The following KLHL25 variants were observed in gnomAD, a reference collection of about 807,000 sequenced individuals.
KLHL25 encodes kelch-like protein 25.
KLHL25 carries 41 observed loss-of-function variants against 30.0 expected under a neutral mutation model. That is an observed-to-expected ratio of 1.37 (90% confidence interval 1.07 to 1.78). KLHL25 has a LOEUF of 1.78. Ranked by LOEUF, KLHL25 falls within the 40% of genes most tolerant of loss-of-function variation. KLHL25 has a pLI of 0.00. For synonymous variants in KLHL25, 399 were observed against 355.3 expected (o/e 1.12, Z -1.38); for missense variants, 971 against 824.5 (o/e 1.18, Z -2.18).
In KLHL25 at chr15:85,794,757, G is replaced by A; in HGVS notation, c.-11+9C>T. 6.5e-6 allele frequency: 1 copy of A among 152,848 alleles called. No individual in the cohort carries two copies. Among genetic ancestry groups the A allele is most frequent in the South Asian group, 2.0e-4 (1 of 5,092 alleles). 9.5% of individuals were successfully genotyped at this position (152,848 alleles called of 1,614,324 possible). On this transcript the variant is annotated intron_variant, in intron 1 of 2. Coordinates refer to ENST00000337975, the MANE Select transcript of KLHL25 (RefSeq NM_022480.4). ...GAGCACGGCGTCCCCGCCCGGCCTG[G>A]ATACTCACTGCCGGAGACGATCCCC...
At chr15:85,781,469 G>A (rs958103022) in intron 1 of KLHL25, among the ~76,000 whole-genome samples, 3 of 152,022 alleles carry the variant, frequency 2.0e-5, no homozygotes, top group South Asian at 2.1e-4. Flanking sequence ...AGAACATTGC[G>A]GTAGCGGATT....
chr15:85,769,025 G>A lies in KLHL25; in HGVS notation c.786C>T (p.Thr262=), dbSNP rs748760580. The A allele has an allele frequency of 4.3e-6, 7 of 1,610,084 alleles. No individual in the cohort carries two copies. The highest frequency in any genetic ancestry group is 5.1e-6 in the Non-Finnish European group (6 of 1,178,746). ...GCAGGGCCTCATCCATGATAAGCTT[G>A]GTGCGCTCGTCTGCCATGAGGAGGG... ...SEALLMADER[T]KLIMDEALRC... The change falls in exon 2 of 3, where the codon ACC becomes ACT. Residue 262 remains threonine, a synonymous_variant. Transcript: ENST00000337975.
intron 1 of KLHL25, among the ~76,000 whole-genome samples, chr15:85,790,488 T>G (rs1029407257): frequency 6.6e-6 from 1 of 152,234 alleles, no homozygotes; most frequent in Non-Finnish European, 1.5e-5. Flanking sequence ...ATAAAACTGC[T>G]GAACACCAGA....
At chr15:85,787,173 G>A (rs749788034) in intron 1 of KLHL25, among the ~76,000 whole-genome samples, 10 of 151,158 alleles carry the variant, frequency 6.6e-5, no homozygotes, top group Admixed American at 2.0e-4. Flanking sequence ...GGGGCTGGGC[G>A]CAGTGGCTCA....
Position 85,759,644 on chromosome 15 carries a change from A to G in KLHL25, c.*1392T>C, listed in dbSNP as rs1440843173. ...GCGTGTCAGTGGGCAAACCCTGCCC[A>G]AAGGTCCCACCCCCAAGAGGCCTCC... On this transcript the variant is annotated 3_prime_UTR_variant, in exon 3 of 3. Transcript: ENST00000337975. 2.0e-5 allele frequency: 3 copies of G among 152,428 alleles called. No homozygotes were observed. Among genetic ancestry groups the G allele is most frequent in the African/African-American group, 4.8e-5 (2 of 41,576 alleles). The allele number at this position is 152,428 out of a possible 1,614,324, so 9.4% of individuals were successfully genotyped here. A position where few individuals can be genotyped will look rare whatever the true frequency, so the allele number is the denominator to read the frequency against.
chr15:85,776,491 AATC>A (rs2089710016), intron 1 of KLHL25, among the ~76,000 whole-genome samples: 1 of 152,178 alleles, frequency 6.6e-6, no homozygotes, highest in African/African-American at 2.4e-5. Context: ...CGTCTCAATC[AATC>A]AATCAATAGC....
At chr15:85,761,831 C>T (rs1001640424) in intron 2 of KLHL25, 2 of 152,182 alleles carry the variant, frequency 1.3e-5, no homozygotes, top group Non-Finnish European at 2.9e-5. Flanking sequence ...ACGCTGTCCG[C>T]GGTTTTTGGC....
intron 1 of KLHL25, among the ~76,000 whole-genome samples, chr15:85,770,255 G>C (rs554753540): frequency 1.3e-5 from 2 of 152,200 alleles, no homozygotes; most frequent in Non-Finnish European, 1.5e-5. Context: ...TCCCATTTTA[G>C]AGCTAGGGAA....
At chr15:85,763,508 G>C (rs1437889221) in intron 2 of KLHL25, 1 of 152,274 alleles carries the variant, frequency 6.6e-6, no homozygotes, top group Non-Finnish European at 1.5e-5. Context: ...AGAATGACAG[G>C]GAACTCGATG....
intron 1 of KLHL25, among the ~76,000 whole-genome samples, chr15:85,778,889 C>T (rs1030924159): frequency 2.3e-4 from 35 of 152,166 alleles, no homozygotes; most frequent in African/African-American, 7.5e-4. Flanking sequence ...ATGGTACCCA[C>T]TTCTCTCCTA....
At chr15:85,761,849 G>T (rs752468234) in intron 2 of KLHL25, 4 of 152,272 alleles carry the variant, frequency 2.6e-5, no homozygotes, top group Non-Finnish European at 5.9e-5. Context: ...GGCTTTGGTT[G>T]TATTTAAGCT....
At chr15:85,777,758 T>G (rs545094178) in intron 1 of KLHL25, among the ~76,000 whole-genome samples, 17 of 152,236 alleles carry the variant, frequency 1.1e-4, no homozygotes, top group African/African-American at 3.9e-4. Context: ...CCTACCCAGT[T>G]TGGTGAAGCT....
chr15:85,767,996 C>T (rs750615475), intron 2 of KLHL25, 21 bp downstream of exon 2: 9 of 1,512,882 alleles, frequency 5.9e-6, no homozygotes, highest in Middle Eastern at 1.9e-4. Flanking sequence ...CCAGAGTGGC[C>T]GTGGGCTGCC....
At chr15:85,791,588 A>G (rs1197987016) in intron 1 of KLHL25, among the ~76,000 whole-genome samples, 1 of 152,124 alleles carries the variant, frequency 6.6e-6, no homozygotes, top group Non-Finnish European at 1.5e-5. Context: ...GGAAAGGTTT[A>G]GCAGTAAGAA....
intron 1 of KLHL25, among the ~76,000 whole-genome samples, chr15:85,772,643 A>AG (rs2089684399): frequency 6.6e-6 from 1 of 152,104 alleles, no homozygotes; most frequent in African/African-American, 2.4e-5. Flanking sequence ...CTCCCTTTGG[A>AG]GGGGGTTATG....
intron 1 of KLHL25, among the ~76,000 whole-genome samples, chr15:85,776,781 T>C (rs2089711980): frequency 6.6e-6 from 1 of 151,548 alleles, no homozygotes; most frequent in Admixed American, 6.6e-5. Context: ...AAAAATTAGC[T>C]GGGTGTGGTG....
intron 1 of KLHL25, chr15:85,770,711 G>A (rs552488394): frequency 9.6e-5 from 36 of 375,202 alleles, no homozygotes; most frequent in South Asian, 3.9e-4. Flanking sequence ...AGAGAAACAC[G>A]AAGCCAGAGC....
Position 85,768,173 on chromosome 15 carries a change from G to A in KLHL25, c.1638C>T (p.Tyr546=). 6.2e-7 allele frequency: 1 copy of A among 1,614,248 alleles called. No homozygotes were observed. Among genetic ancestry groups the A allele is most frequent in the African/African-American group, 1.3e-5 (1 of 75,068 alleles). ...SGNKLYVVGG[Y]FGTQRCKTLD... ...GAGTCTTACACCTCTGGGTCCCAAAGTAGCCCCCGACCACATAGAGCTTGT... is the reference window on the plus strand; with the variant it reads ...GAGTCTTACACCTCTGGGTCCCAAAATAGCCCCCGACCACATAGAGCTTGT... Residue 546 remains tyrosine (Y), a synonymous_variant, in exon 2 of 3, where the codon TAC becomes TAT. Coordinates refer to ENST00000337975, the MANE Select transcript of KLHL25 (RefSeq NM_022480.4).
intron 1 of KLHL25, among the ~76,000 whole-genome samples, chr15:85,782,995 A>G (rs1406632878): frequency 6.6e-6 from 1 of 152,210 alleles, no homozygotes; most frequent in Non-Finnish European, 1.5e-5. Context: ...GAAAGAATCA[A>G]AATGATCCAG....
Sources: gnomAD v4.1 joint callset for allele counts (sites outside exome capture counted in the v4.1 genomes callset) on GRCh38, gnomAD v4.1.1 for gene constraint, MANE v1.5 for transcripts, NCBI Gene and HGNC (gene_info 2026-07-23, HGNC 2026-07-21) for gene names.